Variants in ARL10 observed in about 807,000 individuals in gnomAD.
The protein encoded by ARL10 is ARF like GTPase 10.
ARL10 carries 23 observed loss-of-function variants against 26.1 expected under a neutral mutation model. The ratio of observed to expected loss-of-function variants is 0.88; its 90% confidence interval spans 0.63 to 1.25. The LOEUF is 1.25. Among genes scored for constraint, ARL10 ranks in the 50% most tolerant of loss-of-function variants. The probability of loss-of-function intolerance (pLI) is 0.00; values close to 1 mark genes in which losing one functional copy is unlikely to be tolerated. For synonymous variants in ARL10, 138 were observed against 149.1 expected, an observed-to-expected ratio of 0.93 and a Z score of 0.54; for missense variants, 300 against 323.6, an observed-to-expected ratio of 0.93 and a Z score of 0.56.
chr5:176,375,171 C>CCCACCCACCCATCCACCCATCCAT lies in ARL10; in HGVS notation c.*3280_*3303dup, dbSNP rs1768655568. The CCCACCCACCCATCCACCCATCCAT allele has an allele frequency of 1.6e-5, 1 of 62,474 alleles. No individual in the cohort carries two copies. The highest frequency in any genetic ancestry group is 5.9e-5 in the African/African-American group (1 of 16,874). 3.9% of individuals were successfully genotyped at this position (62,474 alleles called of 1,614,324 possible). On this transcript the variant is annotated 3_prime_UTR_variant, in exon 4 of 4. Coordinates refer to ENST00000310389, the MANE Select transcript of ARL10 (RefSeq NM_173664.6). ...ACCCACCCACCCATCCATCCACCCA[C>CCCACCCACCCATCCACCCATCCAT]CCACCCACCCATCCACCCATCCATC... is the stretch of plus-strand genomic sequence containing the variant.
downstream of ARL10, chr5:176,389,544 C>T (rs778285190): frequency 1.9e-6 from 3 of 1,565,148 alleles, no homozygotes; most frequent in South Asian, 3.6e-5. Flanking sequence ...TTCCAAAACC[C>T]AGGGAGCAAC....
At chr5:176,371,049 G>A (rs933482617) in intron 3 of ARL10, among the ~76,000 whole-genome samples, 5 of 152,104 alleles carry the variant, frequency 3.3e-5, no homozygotes, top group Non-Finnish European at 5.9e-5. Context: ...AAGTATATAC[G>A]GGCCTATCTA....
At chr5:176,412,638 C>A in the ARL10 span, among the ~76,000 whole-genome samples, 3,541 of 152,232 alleles carry the variant, frequency 0.023, 62 homozygotes, top group Non-Finnish European at 0.037. Context: ...CCTGGGGACT[C>A]AAGGGAAGGG....
chr5:176,394,558 C>A (rs1204076753), intron 1 of ARL10, among the ~76,000 whole-genome samples: 5 of 151,922 alleles, frequency 3.3e-5, no homozygotes, highest in Admixed American at 1.3e-4. Context: ...TGGCTCATGC[C>A]TGTAATCCCA....
the ARL10 span, among the ~76,000 whole-genome samples, chr5:176,408,103 T>C: frequency 6.6e-6 from 1 of 152,246 alleles, no homozygotes; most frequent in South Asian, 2.1e-4. Context: ...GACTATTGCA[T>C]GCCTCTGTGG....
downstream of ARL10, among the ~76,000 whole-genome samples, chr5:176,403,332 G>C (rs1347270609): frequency 1.3e-5 from 2 of 152,016 alleles, no homozygotes; most frequent in East Asian, 3.9e-4. Flanking sequence ...TTACAGGCGT[G>C]AGCTACTGCG....
chr5:176,404,210 CAT>C (rs1434377233), downstream of ARL10, among the ~76,000 whole-genome samples: 1 of 152,186 alleles, frequency 6.6e-6, no homozygotes, highest in Non-Finnish European at 1.5e-5. Flanking sequence ...TTCTGTGACG[CAT>C]AGTTTGTGTG....
intron 1 of ARL10, chr5:176,397,892 A>G (rs758796930): frequency 2.4e-5 from 38 of 1,572,456 alleles, no homozygotes; most frequent in African/African-American, 2.0e-4. Flanking sequence ...CCCCACACAC[A>G]GCCCACCCAG....
chr5:176,385,549 C>A (rs117677523), downstream of ARL10, among the ~76,000 whole-genome samples: 193 of 152,304 alleles, frequency 1.3e-3, 5 homozygotes, highest in East Asian at 0.035. Flanking sequence ...ACCAGTATGG[C>A]AACTTTTGGA....
intron 2 of ARL10, among the ~76,000 whole-genome samples, chr5:176,367,111 G>A (rs1349012565): frequency 6.7e-6 from 1 of 149,020 alleles, no homozygotes; most frequent in African/African-American, 2.5e-5. Flanking sequence ...GGGTTCAAGC[G>A]ATTCTCCAGC....
chr5:176,389,501 C>T (rs1287711042), downstream of ARL10: 2 of 1,610,490 alleles, frequency 1.2e-6, no homozygotes, highest in South Asian at 1.1e-5. Context: ...ACCCTAAGCC[C>T]AGGGTCTGGC....
intron 1 of ARL10, among the ~76,000 whole-genome samples, chr5:176,400,303 G>A (rs1330284507): frequency 1.3e-5 from 2 of 152,290 alleles, no homozygotes; most frequent in East Asian, 3.9e-4. Flanking sequence ...ATATTTAGAA[G>A]AGTGCTTGGT....
chr5:176,408,859 AATTTGT>A, the ARL10 span, among the ~76,000 whole-genome samples: 4 of 152,326 alleles, frequency 2.6e-5, no homozygotes, highest in Non-Finnish European at 5.9e-5. Context: ...ACACTTAAAG[AATTTGT>A]AAACAACCCA....
chr5:176,379,656 G>A lies in ARL10; in HGVS notation c.*7761G>A, dbSNP rs1177818917. On this transcript the variant is annotated 3_prime_UTR_variant, in exon 4 of 4. Coordinates refer to ENST00000310389, the MANE Select transcript of ARL10 (RefSeq NM_173664.6). ...TCTGTCTCTGCAGGTTTCACAAGTA[G>A]TGTTTCTAAATGAGCTCTATAATCT... 6.6e-6 allele frequency: 1 copy of A among 152,198 alleles called. No individual in the cohort carries two copies. The highest frequency in any genetic ancestry group is 1.5e-5 in the Non-Finnish European group (1 of 68,036). The allele number at this position is 152,198 out of a possible 1,614,324, so 9.4% of individuals were successfully genotyped here.
At chr5:176,400,209 G>A (rs116354874) in intron 1 of ARL10, among the ~76,000 whole-genome samples, 3,977 of 148,272 alleles carry the variant, frequency 0.027, 66 homozygotes, top group Middle Eastern at 0.05. Context: ...AAAAAAAAAA[G>A]AAAGAAAGAA....
chr5:176,395,411 C>T (rs973729963), intron 1 of ARL10, among the ~76,000 whole-genome samples: 7 of 152,058 alleles, frequency 4.6e-5, no homozygotes, highest in African/African-American at 9.7e-5. Flanking sequence ...TGGCACAAGG[C>T]GAGTGCCAAA....
chr5:176,399,138 C>T (rs896014166), intron 1 of ARL10, among the ~76,000 whole-genome samples: 10 of 152,176 alleles, frequency 6.6e-5, no homozygotes, highest in Non-Finnish European at 1.3e-4. Context: ...GCCACCGTGA[C>T]CAGCCCAAAA....
At position 176,372,176 on chromosome 5, in the gene ARL10, T is replaced by C; in HGVS notation, c.*281T>C. ...AATGTGGATCCAGCTTTCCCTTCTC[T>C]TACCTGTACAGTGAGATGCTCAGTG... On this transcript the variant is annotated 3_prime_UTR_variant, in exon 4 of 4. Transcript: ENST00000310389. 6.7e-6 allele frequency: 7 copies of C among 1,045,388 alleles called. No homozygotes were observed. The South Asian group carries it at 1.4e-4, about 20-fold the overall frequency. 64.8% of individuals were successfully genotyped at this position (1,045,388 alleles called of 1,614,324 possible). A position where few individuals can be genotyped will look rare whatever the true frequency, so the allele number is the denominator to read the frequency against.
chr5:176,383,836 T>A, downstream of ARL10: 3 of 728,050 alleles, frequency 4.1e-6, no homozygotes, highest in Non-Finnish European at 6.6e-6. Context: ...CAAGTGAACG[T>A]AGCACTTGCT....
Sources: allele counts gnomAD v4.1 joint callset (sites outside exome capture counted in the v4.1 genomes callset), GRCh38; gene constraint gnomAD v4.1.1; transcripts MANE v1.5; gene names NCBI Gene and HGNC (gene_info 2026-07-23, HGNC 2026-07-21).